MBNL1: variants seen among roughly 807,000 people sequenced by gnomAD.
The protein encoded by MBNL1 is muscleblind-like protein 1.
Under a neutral mutation model 42.2 loss-of-function variants are expected in MBNL1, and 8 were observed. The observed-to-expected ratio is 0.19, with a 90% CI of 0.11 to 0.34. MBNL1 has a LOEUF of 0.34. MBNL1 is among the 10% of genes least tolerant of loss of function. MBNL1 has a pLI of 1.00. For missense variants in MBNL1, 309 were observed against 495.3 expected, an observed-to-expected ratio of 0.62 and a Z score of 3.57; for synonymous variants, 169 against 173.9, an observed-to-expected ratio of 0.97 and a Z score of 0.22.
chr3:152,312,333 C>T (rs1180730797), intron 2 of MBNL1, among the ~76,000 whole-genome samples: 1 of 152,028 alleles, frequency 6.6e-6, no homozygotes, highest in African/African-American at 2.4e-5. Flanking sequence ...CTTTCGATAC[C>T]AATAGCTAGT....
At chr3:152,447,583 T>G (rs755976628) in intron 5 of MBNL1, 37 bp from the exon 6 acceptor site, 1 of 1,564,068 alleles carries the variant, frequency 6.4e-7, no homozygotes, top group Non-Finnish European at 8.7e-7. Flanking sequence ...TTTCTCTTTT[T>G]ACTGGTATTT....
intron 2 of MBNL1, among the ~76,000 whole-genome samples, chr3:152,336,627 T>G (rs2090400620): frequency 6.6e-6 from 1 of 152,246 alleles, no homozygotes; most frequent in African/African-American, 2.4e-5. Flanking sequence ...AGGCAGTACT[T>G]AACATGTCAT....
At chr3:152,300,761 A>G (rs2060399638) in intron 2 of MBNL1, 1 of 163,978 alleles carries the variant, frequency 6.1e-6, no homozygotes, top group Non-Finnish European at 1.3e-5. Flanking sequence ...TGGTAAAGGC[A>G]TTGTACAGTT....
At chr3:152,328,900 G>A (rs970892979) in intron 2 of MBNL1, among the ~76,000 whole-genome samples, 1 of 152,154 alleles carries the variant, frequency 6.6e-6, no homozygotes, top group Admixed American at 6.6e-5. Context: ...AAAAAAGTTT[G>A]CTAATACATA....
At chr3:152,317,331 T>A (rs112346058) in intron 2 of MBNL1, among the ~76,000 whole-genome samples, 2,509 of 151,962 alleles carry the variant, frequency 0.017, 56 homozygotes, top group African/African-American at 0.055. Flanking sequence ...TTTAAAAAAA[T>A]TTTTTTTTCA....
chr3:152,362,499 G>C (rs1264846300), intron 2 of MBNL1, among the ~76,000 whole-genome samples: 1 of 152,116 alleles, frequency 6.6e-6, no homozygotes, highest in Non-Finnish European at 1.5e-5. Flanking sequence ...TTATTAGTTT[G>C]ATTTCTGAAG....
chr3:152,454,855 C>G (rs929217078), intron 6 of MBNL1, among the ~76,000 whole-genome samples: 8 of 152,142 alleles, frequency 5.3e-5, no homozygotes, highest in Non-Finnish European at 8.8e-5. Context: ...AAATTATATT[C>G]CCCCTTAATG....
In MBNL1 at chr3:152,455,672, G is replaced by C; in HGVS notation, c.997+95G>C. 4.5e-6 allele frequency: 5 copies of C among 1,098,970 alleles called. No individual in the cohort carries two copies. In the South Asian group the frequency reaches 6.5e-5, roughly 14 times the overall value. 68.1% of individuals were successfully genotyped at this position (1,098,970 alleles called of 1,614,324 possible). A position where few individuals can be genotyped will look rare whatever the true frequency, so the allele number is the denominator to read the frequency against. On this transcript the variant is annotated intron_variant, in intron 7 of 9. Transcript: ENST00000324210. The stretch of plus-strand genomic sequence containing the variant: ...GCTAAGTTTAACTTATATCTATTGG[G>C]CAAGTCCATTTCCCTTTTACTAACA...
intron 1 of MBNL1, among the ~76,000 whole-genome samples, chr3:152,282,323 G>T (rs1178370499): frequency 6.6e-6 from 1 of 151,978 alleles, no homozygotes; most frequent in Non-Finnish European, 1.5e-5. Context: ...TTACCTTTAA[G>T]TACCAAGAAT....
intron 2 of MBNL1, among the ~76,000 whole-genome samples, chr3:152,380,737 A>T (rs10433452): frequency 2.5e-3 from 379 of 151,428 alleles, no homozygotes; most frequent in Middle Eastern, 0.01. Flanking sequence ...TTTTTTTTTT[A>T]AAAAAGGCAC....
intron 1 of MBNL1, among the ~76,000 whole-genome samples, chr3:152,280,738 C>T (rs969298990): frequency 2.0e-5 from 3 of 152,096 alleles, no homozygotes; most frequent in Non-Finnish European, 4.4e-5. Flanking sequence ...TTTTGTAGGC[C>T]AGCTTCCAGA....
intron 2 of MBNL1, among the ~76,000 whole-genome samples, chr3:152,367,323 C>A (rs979297791): frequency 6.6e-6 from 1 of 152,058 alleles, no homozygotes; most frequent in African/African-American, 2.4e-5. Context: ...TGATGGTTTC[C>A]AGCTTCATCC....
chr3:152,332,335 A>G (rs1334862423), intron 2 of MBNL1, among the ~76,000 whole-genome samples: 1 of 152,204 alleles, frequency 6.6e-6, no homozygotes, highest in East Asian at 1.9e-4. Context: ...ATTCAGTGTT[A>G]AAGTTGGAGA....
chr3:152,447,181 G>A (rs536934293), intron 5 of MBNL1, among the ~76,000 whole-genome samples: 4 of 150,720 alleles, frequency 2.7e-5, no homozygotes, highest in Non-Finnish European at 6.0e-5. Context: ...AGGTAGATCT[G>A]GGGGGAGGAG....
intron 2 of MBNL1, among the ~76,000 whole-genome samples, chr3:152,318,145 A>G (rs941940607): frequency 3.3e-5 from 5 of 152,292 alleles, no homozygotes; most frequent in African/African-American, 1.2e-4. Flanking sequence ...AGACTGTTTA[A>G]TGGTACAAAG....
intron 2 of MBNL1, among the ~76,000 whole-genome samples, chr3:152,344,826 C>T (rs2093952178): frequency 6.6e-6 from 1 of 152,104 alleles, no homozygotes; most frequent in South Asian, 2.1e-4. Context: ...TGTAAAGTGG[C>T]TTCTTTTGCT....
At chr3:152,338,405 C>T (rs1233625429) in intron 2 of MBNL1, 11 of 985,290 alleles carry the variant, frequency 1.1e-5, no homozygotes, top group Non-Finnish European at 1.2e-5. Context: ...GAATATTCCT[C>T]CCCCTGCTGC....
intron 2 of MBNL1, among the ~76,000 whole-genome samples, chr3:152,360,266 T>C (rs1321881947): frequency 6.6e-6 from 1 of 152,188 alleles, no homozygotes; most frequent in Non-Finnish European, 1.5e-5. Flanking sequence ...AAAAGCAGCT[T>C]CCTTGTTAAA....
intron 2 of MBNL1, among the ~76,000 whole-genome samples, chr3:152,366,421 A>G (rs1409180455): frequency 6.6e-6 from 1 of 152,152 alleles, no homozygotes; most frequent in Non-Finnish European, 1.5e-5. Flanking sequence ...TTGCTGTGTG[A>G]GTCATCTTGC....
Sources: allele counts gnomAD v4.1 joint callset (sites outside exome capture counted in the v4.1 genomes callset), GRCh38; gene constraint gnomAD v4.1.1; transcripts MANE v1.5; gene names NCBI Gene and HGNC (gene_info 2026-07-23, HGNC 2026-07-21).